TBCD: variants seen among roughly 807,000 people sequenced by gnomAD.
TBCD encodes the protein tubulin-specific chaperone D.
TBCD carries 105 observed loss-of-function variants against 169.3 expected under a neutral mutation model. The observed-to-expected ratio is 0.62, with a 90% CI of 0.53 to 0.73. The LOEUF is 0.73. Among genes scored for constraint, TBCD ranks in the 30% least tolerant of loss-of-function variants. TBCD has a pLI of 0.00. For synonymous variants in TBCD, 700 were observed against 643.9 expected (o/e 1.09, Z -1.32); for missense variants, 1,444 against 1,600.1 (o/e 0.90, Z 1.66).
intron 3 of TBCD, among the ~76,000 whole-genome samples, chr17:82,765,923 C>G (rs543713247): frequency 1.2e-4 from 18 of 152,212 alleles, no homozygotes; most frequent in African/African-American, 4.1e-4. Context: ...TCAAATGATT[C>G]TCCCTCCTGC....
rs1038133677 is a variant in TBCD, at chr17:82,920,832, G to A, written c.2101+214G>A. Among the ~76,000 whole-genome samples the A allele has an allele frequency of 7.2e-5, 11 of 152,052 alleles. No homozygotes were observed. Among genetic ancestry groups the A allele is most frequent in the East Asian group, 1.9e-4 (1 of 5,160 alleles). On this transcript the variant is annotated intron_variant, in intron 24 of 38. Transcript: ENST00000355528. The surrounding 1 kb of genome is among the most constrained non-coding windows in gnomAD (Gnocchi z 4.1). ...CCCCAACACAGGAGGGCCCTTCCCCGCCGTCACCTCAGTACCCCCACCTCC... is the reference window on the plus strand; with the variant it reads ...CCCCAACACAGGAGGGCCCTTCCCCACCGTCACCTCAGTACCCCCACCTCC...
At chr17:82,775,573 T>C (rs891207827) in intron 6 of TBCD, among the ~76,000 whole-genome samples, 1 of 152,024 alleles carries the variant, frequency 6.6e-6, no homozygotes, top group Non-Finnish European at 1.5e-5. Context: ...CTTCTCCCTG[T>C]ATCACTGGCG....
At position 82,916,241 on chromosome 17, in the gene TBCD, T is replaced by G. The variant is rs184377376; in HGVS notation, c.2039-4315T>G. On this transcript the variant is annotated intron_variant, in intron 23 of 38. Coordinates refer to ENST00000355528, the MANE Select transcript of TBCD (RefSeq NM_005993.5). ...GTTTGTTTATACCAAAATGGCTTTT[T>G]CCACTTTTTTTTTTTGAGACGGAGT... Among the ~76,000 whole-genome samples, 528 of 152,232 alleles carry G rather than the reference T, an allele frequency of 3.5e-3. 1 individual carries two copies. The highest frequency in any genetic ancestry group is 5.7e-3 in the Non-Finnish European group (389 of 68,014).
chr17:82,832,011 A>G lies in TBCD; in HGVS notation c.1318+17077A>G, dbSNP rs1056704898. 8.1e-6 allele frequency: 13 copies of G among 1,612,656 alleles called. No individual in the cohort carries two copies. Among genetic ancestry groups the G allele is most frequent in the Non-Finnish European group, 1.1e-5 (13 of 1,178,840 alleles). On this transcript the variant is annotated intron_variant, in intron 13 of 38. Transcript: ENST00000355528. The surrounding 1 kb of genome is among the most constrained non-coding windows in gnomAD (Gnocchi z 4.9). The stretch of plus-strand genomic sequence containing the variant: ...CTGCGCCTTCCAGAGCAGGCTGGGC[A>G]CCGAGGGCGGCTTCCGGAGCTGGGC...
chr17:82,828,978 C>T (rs2053217898), intron 13 of TBCD, among the ~76,000 whole-genome samples: 1 of 132,126 alleles, frequency 7.6e-6, no homozygotes, highest in Non-Finnish European at 1.6e-5. Context: ...CCCACACAAT[C>T]CCATATACCC....
In TBCD at chr17:82,850,082, G is replaced by GTTGGCTGTGCTCTT. The variant is rs2145631609; in HGVS notation, c.1319-20142_1319-20141insTTGGCTGTGCTCTT. On this transcript the variant is annotated intron_variant, in intron 13 of 38. Coordinates refer to ENST00000355528, the MANE Select transcript of TBCD (RefSeq NM_005993.5). Reference sequence around the variant, plus strand: ...GCTGTGCTGCTGTTGGCTGTGCTGTGCTGCTGTTGGCTGTGCTGCTGTTGG... The same window carrying GTTGGCTGTGCTCTT: ...GCTGTGCTGCTGTTGGCTGTGCTGTGTTGGCTGTGCTCTTCTGCTGTTGGCTGTGCTGCTGTTGG... Among the ~76,000 whole-genome samples the GTTGGCTGTGCTCTT allele has an allele frequency of 9.4e-5, 2 of 21,316 alleles. 1 individual carries two copies. The highest frequency in any genetic ancestry group is 3.5e-4 in the African/African-American group (2 of 5,796). The allele number at this position is 21,316 out of a possible 152,430, so 14.0% of individuals were successfully genotyped here.
chr17:82,822,691 G>A (rs1385552279), intron 13 of TBCD, among the ~76,000 whole-genome samples: 6 of 152,202 alleles, frequency 3.9e-5, no homozygotes, highest in African/African-American at 1.2e-4. Context: ...CACAGTGTTC[G>A]GAGTGAGACC....
rs769621145 is a variant in TBCD at position 82,831,926 on chromosome 17, C to T, written c.1318+16992C>T. 84 of 1,614,060 alleles carry T rather than the reference C, an allele frequency of 5.2e-5. No homozygotes were observed. Among genetic ancestry groups the T allele is most frequent in the South Asian group, 4.9e-4 (45 of 91,076 alleles). Reference sequence around the variant, plus strand: ...TGTAAAGCCAGTGTCTCGGGCGCCTCGGCGTTGTCTGGCCCCTTGAGTCTG... The same window carrying T: ...TGTAAAGCCAGTGTCTCGGGCGCCTTGGCGTTGTCTGGCCCCTTGAGTCTG... On this transcript the variant is annotated intron_variant, in intron 13 of 38. Coordinates refer to ENST00000355528, the MANE Select transcript of TBCD (RefSeq NM_005993.5). The surrounding 1 kb of genome is among the most constrained non-coding windows in gnomAD (Gnocchi z 4.6).
At chr17:82,856,902 T>C (rs1294492366) in intron 13 of TBCD, among the ~76,000 whole-genome samples, 1 of 142,560 alleles carries the variant, frequency 7.0e-6, no homozygotes, top group African/African-American at 2.8e-5. Context: ...CAGGGCGGGA[T>C]CGCTGGACCG....
At chr17:82,897,699 C>T (rs1053422598) in intron 17 of TBCD, among the ~76,000 whole-genome samples, 7 of 152,178 alleles carry the variant, frequency 4.6e-5, no homozygotes, top group Admixed American at 6.5e-5. Flanking sequence ...CTCCAGGAGG[C>T]GCCATCCTGA....
At chr17:82,887,170 C>CGT (rs1567961555) in intron 15 of TBCD, among the ~76,000 whole-genome samples, 1 of 30,096 alleles carries the variant, frequency 3.3e-5, no homozygotes, top group Admixed American at 3.4e-4. Flanking sequence ...TGTGTGTGTG[C>CGT]GCGCGCGCGC....
chr17:82,928,575 G>C (rs544672729), intron 30 of TBCD, among the ~76,000 whole-genome samples: 1 of 151,198 alleles, frequency 6.6e-6, no homozygotes, highest in South Asian at 2.1e-4. Flanking sequence ...CCCTGCCCTT[G>C]CGGGTCTCTG....
chr17:82,939,253 C>T (rs886356133), intron 36 of TBCD, 114 bp from the exon 37 acceptor site: 79 of 811,042 alleles, frequency 9.7e-5, no homozygotes, highest in Non-Finnish European at 1.5e-4. Flanking sequence ...GCAGGGTCAG[C>T]GTCCTCCTCC....
In TBCD at chr17:82,862,773, G is replaced by A. The variant is rs568355068; in HGVS notation, c.1319-7451G>A. Among the ~76,000 whole-genome samples, 22 of 152,328 alleles carry A rather than the reference G, an allele frequency of 1.4e-4. No individual in the cohort carries two copies. In the South Asian group the frequency reaches 3.3e-3, roughly 23 times the overall value. ...CCTGTGCACGTGTGTTGCCGGCCCCGGCTCAGCTGTGGCAGAAGTCAGTCA... is the reference window on the plus strand; with the variant it reads ...CCTGTGCACGTGTGTTGCCGGCCCCAGCTCAGCTGTGGCAGAAGTCAGTCA... On this transcript the variant is annotated intron_variant, in intron 13 of 38. Coordinates refer to ENST00000355528, the MANE Select transcript of TBCD (RefSeq NM_005993.5).
rs1391701771 is a variant in TBCD, at chr17:82,922,651, C to T, written c.2179-1001C>T. On this transcript the variant is annotated intron_variant, in intron 25 of 38. Transcript: ENST00000355528. This position sits in a 1 kb window ranked among gnomAD's most constrained non-coding sequence, Gnocchi z 4.1. Reference sequence around the variant, plus strand: ...AAAGTCCATGATTAATTCACACTGGCCATGATGCTGGTGCACTTTGCCCCT... The same window carrying T: ...AAAGTCCATGATTAATTCACACTGGTCATGATGCTGGTGCACTTTGCCCCT... Among the ~76,000 whole-genome samples the T allele has an allele frequency of 6.6e-6, 1 of 152,178 alleles. No homozygotes were observed. The highest frequency in any genetic ancestry group is 1.5e-5 in the Non-Finnish European group (1 of 68,028).
At chr17:82,865,779 C>G (rs191516466) in intron 13 of TBCD, among the ~76,000 whole-genome samples, 1 of 152,308 alleles carries the variant, frequency 6.6e-6, no homozygotes, top group Middle Eastern at 3.4e-3. Context: ...ATGCCTGGAT[C>G]CCTTCTGCCC....
chr17:82,868,595 T>C (rs2145927404), intron 13 of TBCD, among the ~76,000 whole-genome samples: 1 of 152,366 alleles, frequency 6.6e-6, no homozygotes, highest in South Asian at 2.1e-4. Flanking sequence ...ACCATATGTA[T>C]ATAAAATACA....
intron 13 of TBCD, among the ~76,000 whole-genome samples, chr17:82,822,365 A>G (rs2052485784): frequency 6.6e-6 from 1 of 152,236 alleles, no homozygotes; most frequent in South Asian, 2.1e-4. Context: ...GATGGGGCCA[A>G]CCAGTGACTT....
intron 17 of TBCD, among the ~76,000 whole-genome samples, chr17:82,896,741 G>A (rs1224631549): frequency 6.6e-6 from 1 of 152,184 alleles, no homozygotes; most frequent in Non-Finnish European, 1.5e-5. Flanking sequence ...TGGCCTTGCA[G>A]GTGTGAGCCA....
Sources: gnomAD v4.1 joint callset for allele counts (sites outside exome capture counted in the v4.1 genomes callset) on GRCh38, gnomAD v4.1.1 for gene constraint, Gnocchi (gnomAD v3.1) non-coding constraint, MANE v1.5 for transcripts, NCBI Gene and HGNC (gene_info 2026-07-23, HGNC 2026-07-21) for gene names.